Variants in DACH1 observed in about 807,000 individuals in gnomAD.
DACH1 encodes dachshund family transcription factor 1, also known as dachshund homolog 1.
In DACH1, 12 loss-of-function variants were observed where a neutral mutation model predicts 54.2. That is an observed-to-expected ratio of 0.22 (90% CI 0.14 to 0.36). The LOEUF (loss-of-function observed/expected upper bound fraction) is 0.36, where lower values mean the gene tolerates loss of function less well. Ranked by LOEUF, DACH1 falls within the 10% of genes least tolerant of loss-of-function variation. DACH1 has a pLI of 1.00. For synonymous variants in DACH1, 386 were observed against 366.2 expected (o/e 1.05, Z -0.62); for missense variants, 805 against 929.8 (o/e 0.87, Z 1.75).
At position 71,560,031 on chromosome 13, in the gene DACH1, T is replaced by C. The variant is rs147525266; in HGVS notation, c.1300-76A>G. 887 of 1,386,954 alleles carry C rather than the reference T, an allele frequency of 6.4e-4. 5 individuals carry two copies. In the East Asian group the frequency reaches 9.8e-3, roughly 15 times the overall value. The allele number at this position is 1,386,954 out of a possible 1,614,324, so 85.9% of individuals were successfully genotyped here. ...GATCTTTACTTAATGAATGTTGTTTTTTCTCAATACAATAAGAAATGTAAA... is the reference window on the plus strand; with the variant it reads ...GATCTTTACTTAATGAATGTTGTTTCTTCTCAATACAATAAGAAATGTAAA... On this transcript the variant is annotated intron_variant, in intron 4 of 10. Coordinates refer to ENST00000613252, the MANE Select transcript of DACH1 (RefSeq NM_080759.6).
At chr13:71,605,212 T>A (rs1007345702) in intron 3 of DACH1, among the ~76,000 whole-genome samples, 3 of 152,084 alleles carry the variant, frequency 2.0e-5, no homozygotes, top group African/African-American at 7.2e-5. Context: ...TTTACATGTT[T>A]AATATATTTA....
intron 9 of DACH1, 127 bp downstream of exon 9, chr13:71,475,579 T>A (rs1877442282): frequency 1.7e-6 from 2 of 1,192,538 alleles, no homozygotes; most frequent in African/African-American, 3.1e-5. Context: ...CCACCCTGCT[T>A]TCAGCTTCAA....
chr13:71,497,281 C>T, intron 6 of DACH1, among the ~76,000 whole-genome samples: 1 of 151,736 alleles, frequency 6.6e-6, no homozygotes. Context: ...GGAAACTTGG[C>T]TTCAATGTGC....
chr13:71,819,631 T>C (rs1566521830), intron 1 of DACH1, among the ~76,000 whole-genome samples: 1 of 152,180 alleles, frequency 6.6e-6, no homozygotes, highest in Non-Finnish European at 1.5e-5. Context: ...ATAATAAGAA[T>C]GTACACATTC....
intron 6 of DACH1, among the ~76,000 whole-genome samples, chr13:71,498,157 C>T (rs987530611): frequency 5.3e-5 from 8 of 152,152 alleles, no homozygotes; most frequent in East Asian, 1.9e-4. Flanking sequence ...ATGTATTCCA[C>T]GCTTATTATA....
chr13:71,783,048 A>C (rs1004569181), intron 1 of DACH1, among the ~76,000 whole-genome samples: 5 of 152,342 alleles, frequency 3.3e-5, no homozygotes, highest in African/African-American at 1.2e-4. Flanking sequence ...TTGACAGTGA[A>C]AGATAACAAC....
chr13:71,651,988 T>C (rs952012382), intron 2 of DACH1, among the ~76,000 whole-genome samples: 3 of 152,220 alleles, frequency 2.0e-5, no homozygotes, highest in African/African-American at 7.2e-5. Context: ...TTTTAGTAAA[T>C]TAATGAACCC....
intron 1 of DACH1, among the ~76,000 whole-genome samples, chr13:71,772,089 A>G (rs1267497324): frequency 6.6e-6 from 1 of 151,636 alleles, no homozygotes; most frequent in Non-Finnish European, 1.5e-5. Context: ...CCAAGCAGTA[A>G]TTACAACTGT....
chr13:71,803,868 A>AT (rs1456143957), intron 1 of DACH1, among the ~76,000 whole-genome samples: 1 of 152,154 alleles, frequency 6.6e-6, no homozygotes, highest in Non-Finnish European at 1.5e-5. Context: ...GCCTTAAGGC[A>AT]TTGGATCTTG....
chr13:71,514,564 AT>A, intron 6 of DACH1, among the ~76,000 whole-genome samples: 1 of 151,902 alleles, frequency 6.6e-6, no homozygotes, highest in Non-Finnish European at 1.5e-5. Context: ...AACTTTGTTA[AT>A]ACCAATTGTG....
At chr13:71,863,698 T>A (rs973228843) in intron 1 of DACH1, among the ~76,000 whole-genome samples, 2 of 151,940 alleles carry the variant, frequency 1.3e-5, no homozygotes, top group Non-Finnish European at 2.9e-5. Context: ...TAGGCAAAAA[T>A]TCAGGGAATA....
At position 71,754,962 on chromosome 13, in the gene DACH1, G is replaced by A. The variant is rs148421296; in HGVS notation, c.849-73052C>T. ...GGAGATGGGCAAAAAGACCGGGGCCGGGGGGAAATCATCATAAACTACTTT... is the reference window on the plus strand; with the variant it reads ...GGAGATGGGCAAAAAGACCGGGGCCAGGGGGAAATCATCATAAACTACTTT... On this transcript the variant is annotated intron_variant, in intron 1 of 10. Coordinates refer to ENST00000613252, the MANE Select transcript of DACH1 (RefSeq NM_080759.6). Among the ~76,000 whole-genome samples, 146 of 152,198 alleles carry A rather than the reference G, an allele frequency of 9.6e-4. 1 individual carries two copies. In the East Asian group the frequency reaches 0.024, roughly 25 times the overall value.
intron 1 of DACH1, among the ~76,000 whole-genome samples, chr13:71,856,963 T>A (rs1463711703): frequency 6.6e-6 from 1 of 151,848 alleles, no homozygotes; most frequent in Non-Finnish European, 1.5e-5. Flanking sequence ...TATGAAATTG[T>A]TTTCCTATCA....
At chr13:71,541,357 T>C (rs560644780) in intron 6 of DACH1, among the ~76,000 whole-genome samples, 8 of 152,200 alleles carry the variant, frequency 5.3e-5, no homozygotes, top group Admixed American at 5.2e-4. Context: ...CTTTATTGTA[T>C]GTTTGAGCTT....
intron 2 of DACH1, among the ~76,000 whole-genome samples, chr13:71,656,975 TGA>T (rs1488919072): frequency 1.4e-5 from 2 of 140,522 alleles, no homozygotes; most frequent in Non-Finnish European, 3.1e-5. Flanking sequence ...CACATATATA[TGA>T]ACATATATAT....
intron 1 of DACH1, among the ~76,000 whole-genome samples, chr13:71,824,956 T>C (rs1175501898): frequency 2.0e-5 from 3 of 152,070 alleles, no homozygotes; most frequent in Non-Finnish European, 2.9e-5. Flanking sequence ...AAACATGCCA[T>C]TAAATTCAAA....
At chr13:71,748,898 C>CTTTCTCTT (rs1368876638) in intron 1 of DACH1, among the ~76,000 whole-genome samples, 14 of 39,564 alleles carry the variant, frequency 3.5e-4, no homozygotes, top group African/African-American at 7.0e-4. Context: ...TTCTTTCTTT[C>CTTTCTCTT]TCTTTCTTTC....
chr13:71,487,096 C>T (rs1878596869), intron 7 of DACH1, among the ~76,000 whole-genome samples: 1 of 152,156 alleles, frequency 6.6e-6, no homozygotes, highest in African/African-American at 2.4e-5. Context: ...GGTGATCCAC[C>T]TGCCTTGGCC....
chr13:71,676,364 C>T lies in DACH1; in HGVS notation c.964+5431G>A, dbSNP rs1880570332. On this transcript the variant is annotated intron_variant, in intron 2 of 10. Transcript: ENST00000613252. ...TCCCGAGTAGCTGGAATTACAGGCA[C>T]CTGCCACCATGCCCAGCTAATTTTT... Among the ~76,000 whole-genome samples the T allele has an allele frequency of 2.6e-5, 4 of 152,088 alleles. No individual in the cohort carries two copies. In the South Asian group the frequency reaches 8.3e-4, roughly 32 times the overall value.
Sources: gnomAD v4.1 joint callset for allele counts (sites outside exome capture counted in the v4.1 genomes callset) on GRCh38, gnomAD v4.1.1 for gene constraint, MANE v1.5 for transcripts, NCBI Gene and HGNC (gene_info 2026-07-23, HGNC 2026-07-21) for gene names.